Variants in SYNE1 observed in about 807,000 individuals in gnomAD.
SYNE1 encodes nesprin-1.
SYNE1 carries 616 observed loss-of-function variants against 1,111.0 expected under a neutral mutation model. The ratio of observed to expected loss-of-function variants is 0.55; its 90% confidence interval spans 0.52 to 0.59. The LOEUF is 0.59. Ranked by LOEUF, SYNE1 falls within the 20% of genes least tolerant of loss-of-function variation. The pLI, the probability that SYNE1 is intolerant of heterozygous loss-of-function variation, is 0.00. For synonymous variants in SYNE1, 3,855 were observed against 3,825.8 expected, an observed-to-expected ratio of 1.01 and a Z score of -0.28; for missense variants, 10,006 against 10,417.0, an observed-to-expected ratio of 0.96 and a Z score of 1.72.
At position 152,359,445 on chromosome 6, in the gene SYNE1, T is replaced by C. The variant is rs745547865; in HGVS notation, c.10313A>G (p.Glu3438Gly). The C allele has an allele frequency of 2.5e-6, 4 of 1,614,216 alleles. No individual in the cohort carries two copies. Among genetic ancestry groups the C allele is most frequent in the Non-Finnish European group, 3.4e-6 (4 of 1,180,044 alleles). Reference sequence around the variant, plus strand: ...CAGCAAGCTGCTGTAACTCAGCACTTCTTCATTTAATAACTAGAGAGCATT... The same window carrying C: ...CAGCAAGCTGCTGTAACTCAGCACTCCTTCATTTAATAACTAGAGAGCATT... Reference protein sequence around the residue: ...MLGKAKLLNEEVLSYSSLLET... With the variant: ...MLGKAKLLNEGVLSYSSLLET... Residue 3438 changes from glutamate (E) to glycine (G), a missense_variant, in exon 65 of 146, where the codon GAA (glutamate) becomes GGA (glycine). Glu to Gly is a moderately conservative substitution (Grantham distance 98). Coordinates refer to ENST00000367255, the MANE Select transcript of SYNE1 (RefSeq NM_182961.4).
intron 3 of SYNE1, among the ~76,000 whole-genome samples, chr6:152,588,277 G>T (rs966545799): frequency 2.0e-5 from 3 of 152,112 alleles, no homozygotes; most frequent in African/African-American, 7.2e-5. Context: ...TCTTGTTGAG[G>T]GTCTGTACTG....
chr6:152,584,066 G>A (rs910372095), intron 3 of SYNE1, among the ~76,000 whole-genome samples: 1 of 152,196 alleles, frequency 6.6e-6, no homozygotes, highest in African/African-American at 2.4e-5. Context: ...TCAAATCCTG[G>A]CACTGGCACT....
rs752877092 is a variant in SYNE1, at chr6:152,398,686, G to A, written c.7283C>T (p.Ala2428Val). 1 of 1,613,928 alleles carries A rather than the reference G, an allele frequency of 6.2e-7. No homozygotes were observed. Among genetic ancestry groups the A allele is most frequent in the South Asian group, 1.1e-5 (1 of 91,084 alleles). ...GGTGCGATCTGATGATTCTTTTGCT[G>A]CTGCCTTTGCTCCCAAAAACCATTC... ...FQEWFLGAKA[A>V]AKESSDRTGD... is the part of the protein sequence containing the mutation. Residue 2428 changes from alanine (A) to valine (V), a missense_variant, in exon 49 of 146, where the codon GCA becomes GTA. By Grantham distance (64) the Ala-to-Val change is moderately conservative (BLOSUM62 0). Around this residue, in one of 7 missense-constraint regions of SYNE1, gnomAD observed 4,955 missense variants for 5,017.2 expected, o/e 0.99. Coordinates refer to ENST00000367255, the MANE Select transcript of SYNE1 (RefSeq NM_182961.4).
intron 26 of SYNE1, 50 bp downstream of exon 26, chr6:152,450,997 G>A (rs758790197): frequency 6.2e-7 from 1 of 1,612,420 alleles, no homozygotes; most frequent in South Asian, 1.1e-5. Flanking sequence ...ATCCTTTATG[G>A]AACAATGTGA....
chr6:152,158,490 T>C (rs1176651923), intron 131 of SYNE1, among the ~76,000 whole-genome samples: 1 of 152,314 alleles, frequency 6.6e-6, no homozygotes, highest in East Asian at 1.9e-4. Flanking sequence ...GTGCCTTTAA[T>C]TAATTTTGGA....
chr6:152,160,671 A>T (rs6914354), intron 131 of SYNE1, among the ~76,000 whole-genome samples: 1 of 152,136 alleles, frequency 6.6e-6, no homozygotes, highest in African/African-American at 2.4e-5. Context: ...GGTACATAGG[A>T]GGTAAAATTT....
At chr6:152,576,028 G>A (rs1468553528) in intron 3 of SYNE1, among the ~76,000 whole-genome samples, 1 of 152,208 alleles carries the variant, frequency 6.6e-6, no homozygotes. Context: ...ATCAGCAAAC[G>A]TGCCTGTGCA....
chr6:152,323,858 A>T (rs116578633), intron 81 of SYNE1, 121 bp from the exon 82 acceptor site: 214 of 1,194,216 alleles, frequency 1.8e-4, no homozygotes, highest in Non-Finnish European at 2.4e-4. Context: ...TATAAATTCC[A>T]CATGTTAGGA....
chr6:152,478,496 T>C (rs2098848171), intron 14 of SYNE1: 1 of 152,230 alleles, frequency 6.6e-6, no homozygotes, highest in Non-Finnish European at 1.5e-5. Context: ...GAGGTTGGCC[T>C]CGGCCCAGAG....
chr6:152,484,789 T>G (rs58766460), intron 13 of SYNE1, 46 bp downstream of exon 13: 3 of 1,602,058 alleles, frequency 1.9e-6, no homozygotes, highest in Non-Finnish European at 8.5e-7. Context: ...AAATATTCTT[T>G]TCTAAATTTA....
intron 99 of SYNE1, 52 bp from the exon 100 acceptor site, chr6:152,268,217 G>A (rs1339953561): frequency 2.1e-6 from 3 of 1,401,396 alleles, no homozygotes; most frequent in South Asian, 2.3e-5. Flanking sequence ...TATGATTATT[G>A]CCTACAATCA....
chr6:152,544,273 A>AT (rs2099294060), intron 3 of SYNE1, among the ~76,000 whole-genome samples: 1 of 152,132 alleles, frequency 6.6e-6, no homozygotes, highest in Admixed American at 6.6e-5. Flanking sequence ...GGTGTGGGTG[A>AT]TTATTACTGG....
Position 152,302,070 on chromosome 6 carries a change from A to G in SYNE1, c.17347-7T>C. ...TAATTTTCTGCGCCAGCTCCTGAGGAAACATTTCCCCCACCGGGGTGTCAG... is the reference window on the plus strand; with the variant it reads ...TAATTTTCTGCGCCAGCTCCTGAGGGAACATTTCCCCCACCGGGGTGTCAG... On this transcript the variant is annotated splice_region_variant and splice_polypyrimidine_tract_variant and intron_variant, in intron 91 of 145. Coordinates refer to ENST00000367255, the MANE Select transcript of SYNE1 (RefSeq NM_182961.4). 1 of 1,614,230 alleles carries G rather than the reference A, an allele frequency of 6.2e-7. No individual in the cohort carries two copies. The highest frequency in any genetic ancestry group is 8.5e-7 in the Non-Finnish European group (1 of 1,180,048).
At chr6:152,558,473 A>G (rs548835609) in intron 3 of SYNE1, among the ~76,000 whole-genome samples, 2 of 152,332 alleles carry the variant, frequency 1.3e-5, no homozygotes, top group Non-Finnish European at 1.5e-5. Context: ...GGAAGCACAT[A>G]GTCTGAAAGT....
At position 152,331,421 on chromosome 6, in the gene SYNE1, C is replaced by T. The variant is rs750974273; in HGVS notation, c.13264G>A (p.Val4422Ile). The T allele has an allele frequency of 1.2e-6, 2 of 1,614,008 alleles. No homozygotes were observed. The highest frequency in any genetic ancestry group is 2.7e-5 in the African/African-American group (2 of 74,906). The change falls in exon 78 of 146, where the codon GTC (valine) becomes ATC (isoleucine). Residue 4422 changes from valine to isoleucine, a missense_variant. By Grantham distance (29) the Val-to-Ile change is conservative. Transcript: ENST00000367255. ...GCATCAGAGAGAGCCTTCTGGATGA[C>T]CTGTCGCTCATTGAGACCAAGATCT... ...MADLGLNERQ[V>I]IQKALSDAQS...
intron 145 of SYNE1, chr6:152,125,434 C>A: frequency 6.8e-7 from 1 of 1,470,022 alleles, no homozygotes; most frequent in South Asian, 1.4e-5. Context: ...GAGGCAGTTA[C>A]ATGACCATGG....
At position 152,367,578 on chromosome 6, in the gene SYNE1, G is replaced by GA; in HGVS notation, c.9808-197_9808-196insT. The GA allele has an allele frequency of 8.0e-6, 5 of 623,166 alleles. No individual in the cohort carries two copies. The African/African-American group carries it at 9.9e-5, about 12-fold the overall frequency. The allele number at this position is 623,166 out of a possible 1,614,324, so 38.6% of individuals were successfully genotyped here. A position where few individuals can be genotyped will look rare whatever the true frequency, so the allele number is the denominator to read the frequency against. On this transcript the variant is annotated intron_variant, in intron 61 of 145. Transcript: ENST00000367255. ...AACTATTAGAATAACTGGGTCAAAA[G>GA]CAAAAAAAAAAGTTACAATTTTATG... is the stretch of plus-strand genomic sequence containing the variant.
intron 130 of SYNE1, chr6:152,167,760 T>C (rs2063987736): frequency 1.8e-6 from 1 of 550,286 alleles, no homozygotes; most frequent in African/African-American, 1.9e-5. Context: ...ATCCTTTAAA[T>C]AGCAGATGAT....
intron 107 of SYNE1, among the ~76,000 whole-genome samples, chr6:152,241,270 T>C (rs567487267): frequency 6.4e-4 from 98 of 152,214 alleles, no homozygotes; most frequent in African/African-American, 2.2e-3. Context: ...TAATAAATCA[T>C]GAAGCTTTGG....
Sources: allele counts gnomAD v4.1 joint callset (sites outside exome capture counted in the v4.1 genomes callset), GRCh38; gene constraint gnomAD v4.1.1; regional missense constraint gnomAD v4.1.1; transcripts MANE v1.5; gene names NCBI Gene and HGNC (gene_info 2026-07-23, HGNC 2026-07-21).